Variants in PVT1 observed in about 807,000 individuals in gnomAD.
PVT1 encodes the protein Pvt1 oncogene.
intron 4 of PVT1, among the ~76,000 whole-genome samples, chr8:127,989,507 C>T (rs903207328): frequency 4.6e-5 from 7 of 152,150 alleles, no homozygotes; most frequent in Non-Finnish European, 7.3e-5. Context: ...AGCTCTCCCT[C>T]TGTCCCTAGT....
At chr8:128,099,614 G>A (rs755219260) in intron 6 of PVT1, 9 of 152,168 alleles carry the variant, frequency 5.9e-5, no homozygotes, top group South Asian at 2.1e-4. Flanking sequence ...ATATTGCTCC[G>A]AGAGTGATAC....
intron 2 of PVT1, among the ~76,000 whole-genome samples, chr8:127,860,492 T>C (rs1265413298): frequency 6.6e-6 from 1 of 151,946 alleles, no homozygotes; most frequent in Non-Finnish European, 1.5e-5. Flanking sequence ...CAGCTGGGCA[T>C]GGTGGCTCAG....
chr8:127,896,420 C>T lies in PVT1; in HGVS notation n.782+5422C>T, dbSNP rs144856631. Among the ~76,000 whole-genome samples the T allele has an allele frequency of 3.2e-3, 486 of 152,144 alleles. 3 individuals are homozygous for T. The highest frequency in any genetic ancestry group is 0.014 in the Middle Eastern group (4 of 294). On this transcript the variant is annotated intron_variant and non_coding_transcript_variant, in intron 3 of 10. Transcript: ENST00000651587. ...CTGGGCTCCAGGGGCAGTCACTCAG[C>T]GTCCTGCCTCAAGAGTGGTTGTGTC...
intron 4 of PVT1, among the ~76,000 whole-genome samples, chr8:128,022,930 G>A (rs1192827606): frequency 6.7e-6 from 1 of 148,790 alleles, no homozygotes; most frequent in Non-Finnish European, 1.5e-5. Flanking sequence ...GCAGTGGCCT[G>A]ATCTTGGCTC....
At position 127,818,087 on chromosome 8, in the gene PVT1, C is replaced by T. The variant is rs569757702; in HGVS notation, n.372+22016C>T. Reference sequence around the variant, plus strand: ...ACTTCCCCTCAACGTGGGCCAAGGACGCCAGGCAGGATCATAGTCCGGCTG... The same window carrying T: ...ACTTCCCCTCAACGTGGGCCAAGGATGCCAGGCAGGATCATAGTCCGGCTG... On this transcript the variant is annotated intron_variant and non_coding_transcript_variant, in intron 2 of 10. Coordinates refer to ENST00000651587, the Ensembl canonical transcript of PVT1. Among the ~76,000 whole-genome samples the T allele has an allele frequency of 7.2e-5, 11 of 152,222 alleles. No individual in the cohort carries two copies. In the South Asian group the frequency reaches 1.2e-3, roughly 17 times the overall value.
chr8:127,876,826 C>T (rs969591854), intron 2 of PVT1, among the ~76,000 whole-genome samples: 3 of 152,208 alleles, frequency 2.0e-5, no homozygotes, highest in Non-Finnish European at 4.4e-5. Flanking sequence ...GCTGTCATCG[C>T]TTTCATTTGC....
At chr8:127,958,420 A>G (rs1435543834) in intron 3 of PVT1, among the ~76,000 whole-genome samples, 1 of 151,866 alleles carries the variant, frequency 6.6e-6, no homozygotes, top group South Asian at 2.1e-4. Context: ...TTTGTATTTT[A>G]TTGGAGCTGG....
chr8:127,889,037 TTTCTTC>T (rs1563631155), intron 2 of PVT1, among the ~76,000 whole-genome samples: 876 of 28,864 alleles, frequency 0.03, 17 homozygotes, highest in South Asian at 0.067. Context: ...TCTCTCTTTC[TTTCTTC>T]CTTCCTTCCT....
intron 2 of PVT1, among the ~76,000 whole-genome samples, chr8:127,818,294 T>C (rs1376286873): frequency 6.6e-6 from 1 of 152,122 alleles, no homozygotes; most frequent in Non-Finnish European, 1.5e-5. Flanking sequence ...GATAAACTTA[T>C]CGCAACTGAA....
rs1221074410 is a variant in PVT1 at position 128,017,272 on chromosome 8, GTCAAAGGGTTTC to G, written n.912+27985_912+27996del. Reference sequence around the variant, plus strand: ...AAACTTTGCCTCTGAATGTCTCCATGTCAAAGGGTTTCTCAGTGTGCCAGAGGGCAATGGAGA... The same window carrying G: ...AAACTTTGCCTCTGAATGTCTCCATGTCAGTGTGCCAGAGGGCAATGGAGA... On this transcript the variant is annotated intron_variant and non_coding_transcript_variant, in intron 4 of 10. Coordinates refer to ENST00000651587, the Ensembl canonical transcript of PVT1. Among the ~76,000 whole-genome samples, 3 of 152,044 alleles carry G rather than the reference GTCAAAGGGTTTC, an allele frequency of 2.0e-5. No individual in the cohort carries two copies. The East Asian group carries it at 5.8e-4, about 29-fold the overall frequency.
At chr8:127,836,187 C>T (rs907056615) in intron 2 of PVT1, among the ~76,000 whole-genome samples, 1 of 152,122 alleles carries the variant, frequency 6.6e-6, no homozygotes, top group East Asian at 1.9e-4. Flanking sequence ...TTATTTGGCT[C>T]TTTGATTTTG....
At chr8:127,987,841 G>T (rs1816986705) in intron 3 of PVT1, among the ~76,000 whole-genome samples, 1 of 152,252 alleles carries the variant, frequency 6.6e-6, no homozygotes, top group Non-Finnish European at 1.5e-5. Context: ...AATGCCTGAG[G>T]CGTGTGGGAG....
chr8:128,008,952 C>T (rs772821618), intron 4 of PVT1: 17 of 520,392 alleles, frequency 3.3e-5, no homozygotes, highest in African/African-American at 9.6e-5. Flanking sequence ...AGCTAGTGAA[C>T]GCTGCCAAAT....
At chr8:128,018,189 G>A (rs549812100) in intron 4 of PVT1, among the ~76,000 whole-genome samples, 116 of 152,286 alleles carry the variant, frequency 7.6e-4, no homozygotes, top group African/African-American at 2.6e-3. Flanking sequence ...CTTCATTATG[G>A]GGAAAAGGGA....
At chr8:127,827,563 G>T (rs10956391) in intron 2 of PVT1, among the ~76,000 whole-genome samples, 102,884 of 151,932 alleles carry the variant, frequency 0.68, 36,192 homozygotes, top group African/African-American at 0.87. Context: ...GGGAGAATCT[G>T]TGCAGCTTGT....
At chr8:127,956,754 ATTACAG>A (rs1175681552) in intron 3 of PVT1, among the ~76,000 whole-genome samples, 4 of 152,360 alleles carry the variant, frequency 2.6e-5, no homozygotes, top group Admixed American at 2.0e-4. Flanking sequence ...AAGTGTTGGG[ATTACAG>A]GCGTGAGCCA....
chr8:128,079,649 GGC>G (rs1412652652), intron 5 of PVT1, among the ~76,000 whole-genome samples: 1 of 151,952 alleles, frequency 6.6e-6, no homozygotes, highest in Non-Finnish European at 1.5e-5. Context: ...ACTAACCCCT[GGC>G]AACCCACTAA....
In PVT1 at chr8:128,058,831, C is replaced by T. The variant is rs534806782; in HGVS notation, n.913-11329C>T. 1.1e-3 allele frequency among the ~76,000 whole-genome samples: 167 copies of T among 152,292 alleles called. 1 individual carries two copies. The Middle Eastern group carries it at 0.017, about 16-fold the overall frequency. On this transcript the variant is annotated intron_variant and non_coding_transcript_variant, in intron 4 of 10. Coordinates refer to ENST00000651587, the Ensembl canonical transcript of PVT1. ...ATGACAGACGACCATGTCCTCGAGC[C>T]CTCCACAGCAGGGCTTCAGGGTGGA... is the stretch of plus-strand genomic sequence containing the variant.
intron 3 of PVT1, among the ~76,000 whole-genome samples, chr8:127,950,163 C>G (rs192177306): frequency 6.6e-6 from 1 of 152,252 alleles, no homozygotes; most frequent in Non-Finnish European, 1.5e-5. Flanking sequence ...CTCTTCTAAT[C>G]TCCCTTTTAC....
Sources: gnomAD v4.1 joint callset for allele counts (sites outside exome capture counted in the v4.1 genomes callset) on GRCh38, gnomAD v4.1.1 for gene constraint, MANE v1.5 for transcripts, NCBI Gene and HGNC (gene_info 2026-07-23, HGNC 2026-07-21) for gene names.